The following TRIM37 variants were observed in gnomAD, a reference collection of about 807,000 sequenced individuals.
The protein encoded by TRIM37 is E3 ubiquitin-protein ligase TRIM37.
TRIM37 carries 80 observed loss-of-function variants against 129.8 expected under a neutral mutation model. The observed-to-expected ratio is 0.62, with a 90% CI of 0.51 to 0.74. TRIM37 has a LOEUF of 0.74. Ranked by LOEUF, TRIM37 falls within the 30% of genes least tolerant of loss-of-function variation. The probability of loss-of-function intolerance (pLI) is 0.00; values close to 1 mark genes in which losing one functional copy is unlikely to be tolerated. For synonymous variants in TRIM37, 389 were observed against 387.1 expected (o/e 1.00, Z -0.06); for missense variants, 1,054 against 1,176.5 (o/e 0.90, Z 1.52).
intron 16 of TRIM37, among the ~76,000 whole-genome samples, chr17:59,044,601 C>T (rs1393195861): frequency 1.3e-5 from 2 of 152,016 alleles, no homozygotes; most frequent in Admixed American, 6.6e-5. Context: ...TAAAGTCATG[C>T]GCAGACATTT....
At chr17:59,019,914 G>T (rs2011844826) in intron 19 of TRIM37, among the ~76,000 whole-genome samples, 1 of 152,008 alleles carries the variant, frequency 6.6e-6, no homozygotes. Context: ...AAGGATAAAT[G>T]AATTATTGGT....
At chr17:59,074,394 G>A (rs941321699) in intron 8 of TRIM37, among the ~76,000 whole-genome samples, 6 of 152,122 alleles carry the variant, frequency 3.9e-5, no homozygotes, top group African/African-American at 1.4e-4. Context: ...ATGCCCTACA[G>A]ATATATATGT....
rs575061080 is a variant in TRIM37, at chr17:59,014,546, A to G, written c.2576+1064T>C. On this transcript the variant is annotated intron_variant, in intron 21 of 23. Coordinates refer to ENST00000262294, the MANE Select transcript of TRIM37 (RefSeq NM_015294.6). Reference sequence around the variant, plus strand: ...TATATCTTTTTGGGAAATTCCAACTATAAGTTTTGAGGATACTTTGATAAC... The same window carrying G: ...TATATCTTTTTGGGAAATTCCAACTGTAAGTTTTGAGGATACTTTGATAAC... Among the ~76,000 whole-genome samples the G allele has an allele frequency of 4.6e-5, 7 of 152,252 alleles. No individual in the cohort carries two copies. In the South Asian group the frequency reaches 1.4e-3, roughly 32 times the overall value.
chr17:59,067,902 T>C (rs2042044194), intron 9 of TRIM37, among the ~76,000 whole-genome samples: 1 of 152,210 alleles, frequency 6.6e-6, no homozygotes, highest in African/African-American at 2.4e-5. Flanking sequence ...ACATAGTCTT[T>C]AATAAATAAC....
chr17:59,014,473 G>A (rs62084373), intron 21 of TRIM37, among the ~76,000 whole-genome samples: 3,958 of 152,132 alleles, frequency 0.026, 70 homozygotes, highest in Non-Finnish European at 0.043. Context: ...CCATGCCGGG[G>A]ATTTGAGTTT....
chr17:59,031,564 G>A (rs1039207725), intron 18 of TRIM37, among the ~76,000 whole-genome samples: 3 of 152,178 alleles, frequency 2.0e-5, no homozygotes, highest in Admixed American at 1.3e-4. Context: ...AGTTCCACTT[G>A]GAAGTAAGGG....
intron 19 of TRIM37, among the ~76,000 whole-genome samples, chr17:59,020,152 G>A (rs958558996): frequency 7.4e-6 from 1 of 134,502 alleles, no homozygotes; most frequent in Non-Finnish European, 1.5e-5. Flanking sequence ...AAGTGCTTGA[G>A]CCCAAGAGAC....
intron 17 of TRIM37, 53 bp from the exon 18 acceptor site, chr17:59,032,143 T>C: frequency 6.4e-7 from 1 of 1,560,496 alleles, no homozygotes; most frequent in Non-Finnish European, 8.8e-7. Context: ...TAGCTATACT[T>C]AAATGAAAAA....
chr17:59,008,118 G>A (rs1434596270), intron 22 of TRIM37, among the ~76,000 whole-genome samples: 1 of 152,198 alleles, frequency 6.6e-6, no homozygotes, highest in Non-Finnish European at 1.5e-5. Context: ...GATTACAGGA[G>A]GCACAGGGCT....
At chr17:59,021,146 C>T (rs1443691886) in intron 19 of TRIM37, among the ~76,000 whole-genome samples, 1 of 152,208 alleles carries the variant, frequency 6.6e-6, no homozygotes, top group African/African-American at 2.4e-5. Flanking sequence ...AATCTCAGCA[C>T]TTTGTAAGCC....
At chr17:59,034,615 C>T (rs2038256518) in intron 17 of TRIM37, among the ~76,000 whole-genome samples, 1 of 152,058 alleles carries the variant, frequency 6.6e-6, no homozygotes, top group African/African-American at 2.4e-5. Context: ...CCGCCTCAGC[C>T]TCCGAAAGTG....
At chr17:59,040,398 A>G (rs2039014583) in intron 17 of TRIM37, among the ~76,000 whole-genome samples, 1 of 152,152 alleles carries the variant, frequency 6.6e-6, no homozygotes, top group Non-Finnish European at 1.5e-5. Context: ...CACAGAACCA[A>G]CAGATCTTGG....
chr17:59,104,254 T>C (rs747454381), intron 2 of TRIM37, 39 bp downstream of exon 2: 3 of 1,533,820 alleles, frequency 2.0e-6, no homozygotes, highest in Admixed American at 1.7e-5. Context: ...CAATATATAC[T>C]ATATATACTA....
At chr17:59,048,982 T>C (rs919237945) in intron 15 of TRIM37, among the ~76,000 whole-genome samples, 196 bp downstream of exon 15, 1 of 152,258 alleles carries the variant, frequency 6.6e-6, no homozygotes, top group Non-Finnish European at 1.5e-5. Flanking sequence ...GTATTGTTTT[T>C]TTCACAACCT....
intron 15 of TRIM37, among the ~76,000 whole-genome samples, chr17:59,048,814 C>G (rs1482261575): frequency 6.6e-6 from 1 of 152,214 alleles, no homozygotes; most frequent in Non-Finnish European, 1.5e-5. Flanking sequence ...CCAGGATAGT[C>G]TCGAACTCCT....
chr17:59,057,360 G>C (rs754621726), intron 12 of TRIM37, among the ~76,000 whole-genome samples: 2 of 152,088 alleles, frequency 1.3e-5, no homozygotes, highest in Non-Finnish European at 2.9e-5. Context: ...GATTACAGGC[G>C]TGTACCATGC....
chr17:59,043,010 T>C (rs1392749148), intron 16 of TRIM37, among the ~76,000 whole-genome samples: 1 of 151,868 alleles, frequency 6.6e-6, no homozygotes, highest in Non-Finnish European at 1.5e-5. Context: ...CATGTAGTGT[T>C]AGGCTTAAAA....
intron 3 of TRIM37, 109 bp from the exon 4 acceptor site, chr17:59,088,516 TA>T: frequency 2.9e-5 from 22 of 749,318 alleles, no homozygotes; most frequent in Middle Eastern, 2.5e-4. Flanking sequence ...ACCATAACAC[TA>T]TTTTTTTTTT....
chr17:59,086,897 G>A (rs142717726), intron 4 of TRIM37, among the ~76,000 whole-genome samples: 1 of 152,190 alleles, frequency 6.6e-6, no homozygotes, highest in African/African-American at 2.4e-5. Flanking sequence ...TCTAATAGAA[G>A]AGGCCCAAAA....
Sources: gnomAD v4.1 joint callset for allele counts (sites outside exome capture counted in the v4.1 genomes callset) on GRCh38, gnomAD v4.1.1 for gene constraint, MANE v1.5 for transcripts, NCBI Gene and HGNC (gene_info 2026-07-23, HGNC 2026-07-21) for gene names.